The following CPQ variants were observed in gnomAD, a reference collection of about 807,000 sequenced individuals.
CPQ encodes the protein carboxypeptidase Q.
Under a neutral mutation model 45.7 loss-of-function variants are expected in CPQ, and 37 were observed. The ratio of observed to expected loss-of-function variants is 0.81; its 90% CI spans 0.62 to 1.07. CPQ has a LOEUF of 1.07. Among genes scored for constraint, CPQ ranks in the 50% least tolerant of loss-of-function variants. The pLI is 0.00. For synonymous variants in CPQ, 186 were observed against 205.8 expected (o/e 0.90, Z 0.82); for missense variants, 537 against 572.9 (o/e 0.94, Z 0.64).
intron 4 of CPQ, among the ~76,000 whole-genome samples, chr8:96,911,116 G>A (rs749641466): frequency 6.6e-6 from 1 of 151,982 alleles, no homozygotes; most frequent in Non-Finnish European, 1.5e-5. Context: ...ATATTTTAGC[G>A]ATCCACGTGC....
intron 3 of CPQ, among the ~76,000 whole-genome samples, chr8:96,839,794 A>G (rs1016599393): frequency 2.0e-5 from 3 of 152,184 alleles, no homozygotes; most frequent in African/African-American, 7.2e-5. Context: ...ATTGGGGGAA[A>G]GGGATAAAGA....
intron 7 of CPQ, among the ~76,000 whole-genome samples, chr8:97,097,515 GC>G (rs1443007754): frequency 6.6e-6 from 1 of 152,134 alleles, no homozygotes; most frequent in Non-Finnish European, 1.5e-5. Flanking sequence ...AGAATAAGAA[GC>G]TTAAAGGTCC....
intron 2 of CPQ, among the ~76,000 whole-genome samples, chr8:96,833,176 C>T (rs1206826727): frequency 1.3e-5 from 2 of 152,148 alleles, no homozygotes; most frequent in African/African-American, 4.8e-5. Context: ...TTAATTTAAA[C>T]TCTTCTTCCA....
At chr8:96,729,181 G>A (rs992023840) in intron 1 of CPQ, among the ~76,000 whole-genome samples, 1 of 152,164 alleles carries the variant, frequency 6.6e-6, no homozygotes, top group Admixed American at 6.5e-5. Flanking sequence ...AGATGGGGTG[G>A]AACCTCCATG....
chr8:96,767,036 C>T (rs549048990), intron 1 of CPQ, among the ~76,000 whole-genome samples: 1 of 152,302 alleles, frequency 6.6e-6, no homozygotes, highest in Admixed American at 6.5e-5. Context: ...AACTTCCCCT[C>T]ATCTGCTACT....
Position 96,785,339 on chromosome 8 carries a change from T to C in CPQ, c.433+9T>C, listed in dbSNP as rs950511830. ...TGGGACTCCTCCAGAAGGTATTGTT[T>C]GTCTTTTCAGTTTGATTTGTATTTT... On this transcript the variant is annotated intron_variant, in intron 2 of 7. Transcript: ENST00000220763. 6.4e-7 allele frequency: 1 copy of C among 1,570,906 alleles called. No homozygotes were observed. The highest frequency in any genetic ancestry group is 8.6e-7 in the Non-Finnish European group (1 of 1,158,316).
Position 96,791,874 on chromosome 8 carries a change from A to G in CPQ, c.433+6544A>G, listed in dbSNP as rs202003340. On this transcript the variant is annotated intron_variant, in intron 2 of 7. Transcript: ENST00000220763. ...GATTTCGTGACCTGTGAAATGAGAG[A>G]TGGTTGGAATGTTGAATCTGTAAGG... Among the ~76,000 whole-genome samples, 3 of 152,228 alleles carry G rather than the reference A, an allele frequency of 2.0e-5. No homozygotes were observed. The East Asian group carries it at 5.8e-4, about 29-fold the overall frequency.
chr8:96,840,586 A>G (rs1057054029), intron 3 of CPQ, among the ~76,000 whole-genome samples: 4 of 152,204 alleles, frequency 2.6e-5, no homozygotes, highest in African/African-American at 7.2e-5. Context: ...TTAAAGTTTA[A>G]GAACTACTGT....
chr8:96,937,264 G>A (rs1194522883), intron 4 of CPQ, among the ~76,000 whole-genome samples: 1 of 152,270 alleles, frequency 6.6e-6, no homozygotes, highest in East Asian at 1.9e-4. Flanking sequence ...GTCAGGGGAA[G>A]TGCCATCTAA....
At chr8:96,933,662 G>A (rs903521082) in intron 4 of CPQ, among the ~76,000 whole-genome samples, 1 of 152,126 alleles carries the variant, frequency 6.6e-6, no homozygotes, top group African/African-American at 2.4e-5. Flanking sequence ...GCTTCCTGGG[G>A]GAAGTGACCT....
At chr8:96,827,477 C>A (rs1000254742) in intron 2 of CPQ, among the ~76,000 whole-genome samples, 4 of 152,054 alleles carry the variant, frequency 2.6e-5, no homozygotes, top group African/African-American at 9.7e-5. Flanking sequence ...CTACTCTGAG[C>A]CAAGTAGGCT....
At chr8:97,123,304 A>C (rs1329442509) in intron 7 of CPQ, among the ~76,000 whole-genome samples, 9 of 148,282 alleles carry the variant, frequency 6.1e-5, no homozygotes, top group Non-Finnish European at 1.3e-4. Flanking sequence ...TTTGGTTTTT[A>C]AAATAGCTTG....
At chr8:96,873,513 T>G (rs1812106509) in intron 3 of CPQ, among the ~76,000 whole-genome samples, 1 of 151,734 alleles carries the variant, frequency 6.6e-6, no homozygotes, top group East Asian at 1.9e-4. Flanking sequence ...TAAAAAAAAT[T>G]AATAAAGTCA....
chr8:96,951,081 G>C (rs1381413182), intron 4 of CPQ, among the ~76,000 whole-genome samples: 2 of 152,088 alleles, frequency 1.3e-5, no homozygotes, highest in Middle Eastern at 3.2e-3. Context: ...ATGAAATAAT[G>C]CTTCTTTGAC....
chr8:96,787,647 T>C (rs1214540832), intron 2 of CPQ, among the ~76,000 whole-genome samples: 2 of 150,284 alleles, frequency 1.3e-5, no homozygotes, highest in Non-Finnish European at 3.0e-5. Flanking sequence ...CTGCTATTAA[T>C]TCTTTAAATT....
intron 4 of CPQ, among the ~76,000 whole-genome samples, chr8:96,926,643 T>TCTTCTTCTTCTC (rs879853365): frequency 2.0e-5 from 3 of 149,512 alleles, no homozygotes; most frequent in African/African-American, 4.9e-5. Flanking sequence ...TCCTTCTTCT[T>TCTTCTTCTTCTC]CTTCTCCTTC....
At chr8:96,925,752 C>T (rs1171748047) in intron 4 of CPQ, among the ~76,000 whole-genome samples, 2 of 149,146 alleles carry the variant, frequency 1.3e-5, no homozygotes, top group Non-Finnish European at 3.0e-5. Context: ...TGCAGTGGCG[C>T]GATCTCAGCT....
At position 97,066,039 on chromosome 8, in the gene CPQ, G is replaced by T. The variant is rs1209985496; in HGVS notation, c.1084G>T (p.Glu362Ter). ...VNISNYSLVM[E>*]SDAGTFLPTG... ...TATTTCCAACTACAGTCTGGTGATG[G>T]AGTCTGACGCAGGAACCTTCTTACC... is the stretch of plus-strand genomic sequence containing the variant. Residue 362 changes from glutamate (E) to a stop codon, truncating the protein, a stop_gained, in exon 7 of 8, where the codon GAG becomes TAG. Coordinates refer to ENST00000220763, the MANE Select transcript of CPQ (RefSeq NM_016134.4). LOFTEE classifies it high-confidence loss of function. 1 of 1,611,462 alleles carries T rather than the reference G, an allele frequency of 6.2e-7. No individual in the cohort carries two copies. Among genetic ancestry groups the T allele is most frequent in the Non-Finnish European group, 8.5e-7 (1 of 1,179,392 alleles).
chr8:96,923,014 A>T (rs1233680728), intron 4 of CPQ, among the ~76,000 whole-genome samples: 1 of 152,172 alleles, frequency 6.6e-6, no homozygotes, highest in East Asian at 1.9e-4. Flanking sequence ...GGACTATGCA[A>T]TGGAGACAAC....
Sources: allele counts gnomAD v4.1 joint callset (sites outside exome capture counted in the v4.1 genomes callset), GRCh38; gene constraint gnomAD v4.1.1; transcripts MANE v1.5; gene names NCBI Gene and HGNC (gene_info 2026-07-23, HGNC 2026-07-21).